Variants in RSF1 observed in about 807,000 individuals in gnomAD.
The protein encoded by RSF1 is remodeling and spacing factor 1, also known as HBV pX-associated protein 8.
A neutral mutation model predicts 145.2 loss-of-function variants in RSF1; 13 were observed. The observed-to-expected ratio is 0.09, with a 90% CI of 0.06 to 0.14. RSF1 has a LOEUF of 0.14. Ranked by LOEUF, RSF1 falls within the 10% of genes least tolerant of loss-of-function variation. The pLI, the probability that RSF1 is intolerant of heterozygous loss-of-function variation, is 1.00. For synonymous variants in RSF1, 577 were observed against 592.6 expected, an observed-to-expected ratio of 0.97 and a Z score of 0.38; for missense variants, 1,517 against 1,718.2, an observed-to-expected ratio of 0.88 and a Z score of 2.07.
rs955952919 is a variant in RSF1, at chr11:77,662,941, G to A, written c.*3976C>T. On this transcript the variant is annotated 3_prime_UTR_variant, in exon 16 of 16. Transcript: ENST00000308488. ...TCATAATATTTGTATCTGTTGCAAT[G>A]CAGCCATCTTATTTCTTTCAAGTTA... 4 of 152,146 alleles carry A rather than the reference G, an allele frequency of 2.6e-5. No homozygotes were observed. Among genetic ancestry groups the A allele is most frequent in the Admixed American group, 6.6e-5 (1 of 15,262 alleles). 9.4% of individuals were successfully genotyped at this position (152,146 alleles called of 1,614,324 possible).
chr11:77,791,498 A>G (rs145949903), intron 1 of RSF1, among the ~76,000 whole-genome samples: 1 of 152,198 alleles, frequency 6.6e-6, no homozygotes, highest in African/African-American at 2.4e-5. Flanking sequence ...ATTTCTCCTT[A>G]GAAAATGGGT....
the RSF1 span, among the ~76,000 whole-genome samples, chr11:77,849,633 G>GT: frequency 2.0e-5 from 3 of 151,966 alleles, no homozygotes; most frequent in Admixed American, 6.5e-5. Context: ...TGCTGGATCT[G>GT]TTTTTTTGTG....
chr11:77,844,204 A>C, the RSF1 span, among the ~76,000 whole-genome samples: 407 of 152,308 alleles, frequency 2.7e-3, 4 homozygotes, highest in African/African-American at 9.4e-3. Flanking sequence ...TAAGGGCACT[A>C]ATCTCATTCA....
At chr11:77,724,683 C>T (rs1028922457) in intron 5 of RSF1, among the ~76,000 whole-genome samples, 2 of 152,052 alleles carry the variant, frequency 1.3e-5, no homozygotes, top group Non-Finnish European at 2.9e-5. Flanking sequence ...AACTGTTCCA[C>T]CTCAGATCAT....
At chr11:77,728,833 G>A (rs767695695) in intron 4 of RSF1, among the ~76,000 whole-genome samples, 6 of 151,680 alleles carry the variant, frequency 4.0e-5, no homozygotes, top group East Asian at 3.9e-4. Context: ...AAAATATCCC[G>A]GTGTTAGATA....
At chr11:77,827,269 G>C in the RSF1 span, among the ~76,000 whole-genome samples, 1 of 152,116 alleles carries the variant, frequency 6.6e-6, no homozygotes, top group Non-Finnish European at 1.5e-5. Context: ...AACTAGAAGA[G>C]AGGGAACACT....
rs1472925023 is a variant in RSF1 at position 77,676,779 on chromosome 11, G to A, written c.3341+13C>T. 3.7e-6 allele frequency: 6 copies of A among 1,610,474 alleles called. No homozygotes were observed. The highest frequency in any genetic ancestry group is 5.1e-6 in the Non-Finnish European group (6 of 1,177,480). On this transcript the variant is annotated intron_variant, in intron 13 of 15. Transcript: ENST00000308488. The stretch of plus-strand genomic sequence containing the variant: ...GGTATCTAGGGATCGGGGCCTAGTA[G>A]GAGACCACACACCCATCACTGATCT...
Position 77,665,316 on chromosome 11 carries a change from C to T in RSF1, c.*1601G>A, listed in dbSNP as rs1187601351. On this transcript the variant is annotated 3_prime_UTR_variant, in exon 16 of 16. Transcript: ENST00000308488. ...GGGCCAGCAGCAGATATGGTGTGTC[C>T]ATTGCCGGCAACAGACACAACACCG... 3 of 152,036 alleles carry T rather than the reference C, an allele frequency of 2.0e-5. No homozygotes were observed. The East Asian group carries it at 5.8e-4, about 29-fold the overall frequency. 9.4% of individuals were successfully genotyped at this position (152,036 alleles called of 1,614,324 possible).
intron 2 of RSF1, among the ~76,000 whole-genome samples, chr11:77,751,337 G>A (rs974368399): frequency 1.3e-5 from 2 of 152,134 alleles, no homozygotes; most frequent in Non-Finnish European, 1.5e-5. Context: ...TCATCCCTGG[G>A]GGCAGCTAGC....
chr11:77,757,026 C>CA (rs1445400282), intron 2 of RSF1, among the ~76,000 whole-genome samples: 1 of 152,104 alleles, frequency 6.6e-6, no homozygotes, highest in Non-Finnish European at 1.5e-5. Flanking sequence ...TAACTCAAGC[C>CA]AAGGGGTGAA....
the RSF1 span, among the ~76,000 whole-genome samples, chr11:77,858,886 A>G: frequency 6.6e-6 from 1 of 152,192 alleles, no homozygotes; most frequent in Non-Finnish European, 1.5e-5. Context: ...TGGAAGAGAT[A>G]AACTTAACAA....
At chr11:77,850,987 G>A in the RSF1 span, 56,751 of 135,894 alleles carry the variant, frequency 0.42, 11,671 homozygotes, top group African/African-American at 0.53. Context: ...ATGGAGTCTC[G>A]CTCTGTGGCC....
chr11:77,804,847 G>A (rs1248739269), intron 1 of RSF1, among the ~76,000 whole-genome samples: 1 of 152,174 alleles, frequency 6.6e-6, no homozygotes, highest in Non-Finnish European at 1.5e-5. Flanking sequence ...GCTGGATAAA[G>A]AGTTGTTCCT....
chr11:77,724,410 A>G (rs1961004881), intron 5 of RSF1, among the ~76,000 whole-genome samples: 1 of 152,208 alleles, frequency 6.6e-6, no homozygotes, highest in Non-Finnish European at 1.5e-5. Flanking sequence ...CTCAAGAGAT[A>G]TCTGTACACC....
chr11:77,731,881 C>A lies in RSF1; in HGVS notation c.579-6182G>T, dbSNP rs550285019. 1.1e-4 allele frequency among the ~76,000 whole-genome samples: 16 copies of A among 152,338 alleles called. 1 individual carries two copies. The highest frequency in any genetic ancestry group is 1.0e-3 in the Admixed American group (16 of 15,306). On this transcript the variant is annotated intron_variant, in intron 4 of 15. Coordinates refer to ENST00000308488, the MANE Select transcript of RSF1 (RefSeq NM_016578.4). ...GTTTCCTGCAGGGGTTGGGGGCCCT[C>A]ATGGAGAACCTCTGCTAGGGCAGTG...
intron 1 of RSF1, among the ~76,000 whole-genome samples, chr11:77,788,397 G>A (rs1565181078): frequency 1.3e-5 from 2 of 150,072 alleles, no homozygotes; most frequent in East Asian, 2.0e-4. Context: ...AACATGTTGA[G>A]TGAGATAAGG....
chr11:77,667,642 C>T, intron 15 of RSF1, 151 bp from the exon 16 acceptor site: 1 of 645,586 alleles, frequency 1.5e-6, no homozygotes, highest in South Asian at 2.0e-5. Flanking sequence ...TTTCTCTCTT[C>T]TCAGTCCCAT....
At chr11:77,703,143 T>C (rs1373633940) in intron 5 of RSF1, 1 of 152,234 alleles carries the variant, frequency 6.6e-6, no homozygotes, top group African/African-American at 2.4e-5. Context: ...AATAATTATA[T>C]AACATTCCTC....
chr11:77,863,302 G>A, the RSF1 span, among the ~76,000 whole-genome samples: 6 of 152,188 alleles, frequency 3.9e-5, no homozygotes, highest in East Asian at 1.9e-4. Flanking sequence ...ACACCCTGCC[G>A]GATCCGGAGG....
Sources: gnomAD v4.1 joint callset for allele counts (sites outside exome capture counted in the v4.1 genomes callset) on GRCh38, gnomAD v4.1.1 for gene constraint, MANE v1.5 for transcripts, NCBI Gene and HGNC (gene_info 2026-07-23, HGNC 2026-07-21) for gene names.